The following MYCBP2 variants were observed in gnomAD, a reference collection of about 807,000 sequenced individuals.
MYCBP2 encodes E3 ubiquitin-protein ligase MYCBP2.
A neutral mutation model predicts 525.3 loss-of-function variants in MYCBP2; 120 were observed. The ratio of observed to expected loss-of-function variants is 0.23; its 90% confidence interval spans 0.20 to 0.27. The LOEUF is 0.27. MYCBP2 is among the 10% of genes least tolerant of loss of function. The pLI is 1.00. For missense variants in MYCBP2, 4,149 were observed against 5,657.1 expected, an observed-to-expected ratio of 0.73 and a Z score of 8.55; for synonymous variants, 1,894 against 1,955.8, an observed-to-expected ratio of 0.97 and a Z score of 0.83.
chr13:77,317,951 CATA>C (rs2081158172), intron 1 of MYCBP2, among the ~76,000 whole-genome samples: 1 of 133,192 alleles, frequency 7.5e-6, no homozygotes, highest in Admixed American at 7.3e-5. Flanking sequence ...CATAACATAA[CATA>C]ACATAACATA....
intron 49 of MYCBP2, 199 bp downstream of exon 49, chr13:77,144,246 T>C (rs2055160093): frequency 3.6e-6 from 2 of 551,428 alleles, no homozygotes; most frequent in Admixed American, 3.1e-5. Flanking sequence ...CTACAGTGCC[T>C]GGGCGGACAC....
chr13:77,146,878 A>C (rs530187065), intron 47 of MYCBP2, among the ~76,000 whole-genome samples: 5 of 152,274 alleles, frequency 3.3e-5, no homozygotes, highest in African/African-American at 1.2e-4. Flanking sequence ...CCTACAACTT[A>C]ACAATTCCAC....
At chr13:77,110,945 G>A (rs904786942) in intron 55 of MYCBP2, among the ~76,000 whole-genome samples, 3 of 152,022 alleles carry the variant, frequency 2.0e-5, no homozygotes, top group Non-Finnish European at 4.4e-5. Context: ...AAGACATAAC[G>A]GCTGCTGCTG....
rs1373536847 is a variant in MYCBP2 at position 77,098,541 on chromosome 13, T to A, written c.8613A>T (p.Ser2871=). 1.9e-6 allele frequency: 3 copies of A among 1,613,690 alleles called. No individual in the cohort carries two copies. In the African/African-American group the frequency reaches 4.0e-5, roughly 22 times the overall value. ...TATCTGGATCAAGTGTGTAAGAGTCTGATTTAGAACGTTCCCGAGGAGGAT... is the reference window on the plus strand; with the variant it reads ...TATCTGGATCAAGTGTGTAAGAGTCAGATTTAGAACGTTCCCGAGGAGGAT... ...KLDPPRERSK[S]DSYTLDPDTL... Residue 2871 remains serine (S), a synonymous_variant, in exon 56 of 83, where the codon TCA becomes TCT. Coordinates refer to ENST00000544440, the MANE Select transcript of MYCBP2 (RefSeq NM_015057.5).
intron 48 of MYCBP2, among the ~76,000 whole-genome samples, chr13:77,145,409 A>T (rs1594891602): frequency 2.0e-5 from 3 of 152,144 alleles, no homozygotes; most frequent in Admixed American, 2.0e-4. Context: ...CTACCGTTTA[A>T]TTTAAGGAAT....
chr13:77,082,949 C>CT lies in MYCBP2; in HGVS notation c.11036+82dup, dbSNP rs1314354550. ...GGATTCTATCTTACTATTTAAAGAG[C>CT]TTTTTTTGGAGCATTTCATACTTTG... is the stretch of plus-strand genomic sequence containing the variant. On this transcript the variant is annotated intron_variant, in intron 63 of 82. Coordinates refer to ENST00000544440, the MANE Select transcript of MYCBP2 (RefSeq NM_015057.5). The CT allele has an allele frequency of 6.6e-6, 9 of 1,362,108 alleles. No individual in the cohort carries two copies. The Middle Eastern group carries it at 6.2e-4, about 93-fold the overall frequency. 84.4% of individuals were successfully genotyped at this position (1,362,108 alleles called of 1,614,324 possible). A position where few individuals can be genotyped will look rare whatever the true frequency, so the allele number is the denominator to read the frequency against.
chr13:77,297,375 A>T (rs762449859), intron 1 of MYCBP2, among the ~76,000 whole-genome samples: 1 of 152,236 alleles, frequency 6.6e-6, no homozygotes, highest in African/African-American at 2.4e-5. Flanking sequence ...TCTTGTCCCC[A>T]AGGAGCTCAG....
At chr13:77,130,184 G>T (rs188979880) in intron 52 of MYCBP2, among the ~76,000 whole-genome samples, 33 of 151,420 alleles carry the variant, frequency 2.2e-4, no homozygotes, top group African/African-American at 6.8e-4. Context: ...TATGATAAAC[G>T]GTTATTTTGA....
At position 77,169,677 on chromosome 13, in the gene MYCBP2, C is replaced by T; in HGVS notation, c.5832G>A (p.Leu1944=). 6.2e-7 allele frequency: 1 copy of T among 1,613,998 alleles called. No homozygotes were observed. Among genetic ancestry groups the T allele is most frequent in the Non-Finnish European group, 8.5e-7 (1 of 1,180,006 alleles). The change falls in exon 39 of 83, where the codon CTG becomes CTA. Residue 1944 remains leucine (L), a synonymous_variant. Transcript: ENST00000544440. Reference sequence around the variant, plus strand: ...TAATAAGGGGGAGCAGCATGGAAAACAGACTGGAAGAACTCAGCAGTTCTG... The same window carrying T: ...TAATAAGGGGGAGCAGCATGGAAAATAGACTGGAAGAACTCAGCAGTTCTG... ...DIPELLSSSS[L]FSMLLPLIIA...
chr13:77,117,277 G>A (rs2049941516), intron 55 of MYCBP2, among the ~76,000 whole-genome samples: 1 of 151,822 alleles, frequency 6.6e-6, no homozygotes, highest in African/African-American at 2.4e-5. Flanking sequence ...ATACATGAAC[G>A]AACATGATAA....
chr13:77,225,197 A>T (rs942421290), intron 19 of MYCBP2, among the ~76,000 whole-genome samples: 9 of 152,238 alleles, frequency 5.9e-5, no homozygotes, highest in African/African-American at 1.7e-4. Flanking sequence ...CTTGAATTAT[A>T]AAAGAAGTCC....
At chr13:77,316,777 T>C (rs1204994754) in intron 1 of MYCBP2, among the ~76,000 whole-genome samples, 1 of 144,608 alleles carries the variant, frequency 6.9e-6, no homozygotes, top group Non-Finnish European at 1.6e-5. Flanking sequence ...CATGGGGTGG[T>C]CACTGGGCCT....
At chr13:77,050,913 C>T in intron 82 of MYCBP2, 84 bp downstream of exon 82, 1 of 1,236,914 alleles carries the variant, frequency 8.1e-7, no homozygotes, top group Non-Finnish European at 1.1e-6. Context: ...GTTTCTGTCA[C>T]TTGAAACAGA....
At chr13:77,071,872 A>T (rs978895580) in intron 68 of MYCBP2, among the ~76,000 whole-genome samples, 2 of 152,254 alleles carry the variant, frequency 1.3e-5, no homozygotes, top group African/African-American at 4.8e-5. Flanking sequence ...TATACGAAGT[A>T]TACAATACAG....
intron 18 of MYCBP2, among the ~76,000 whole-genome samples, chr13:77,227,560 T>G (rs986651425): frequency 1.3e-5 from 2 of 151,580 alleles, no homozygotes; most frequent in Admixed American, 1.3e-4. Context: ...ACGCCAGATG[T>G]AAAGAAATTT....
chr13:77,130,853 A>G (rs540987577), intron 52 of MYCBP2, among the ~76,000 whole-genome samples: 1 of 152,284 alleles, frequency 6.6e-6, no homozygotes, highest in South Asian at 2.1e-4. Flanking sequence ...GGCAATTGTT[A>G]AAAGTAATGC....
chr13:77,106,785 T>C (rs1018036944), intron 55 of MYCBP2, among the ~76,000 whole-genome samples: 1 of 152,066 alleles, frequency 6.6e-6, no homozygotes, highest in African/African-American at 2.4e-5. Flanking sequence ...GGGACATGTG[T>C]AGGTTTGTTA....
chr13:77,068,419 G>GTT (rs2040559997), intron 70 of MYCBP2, 146 bp downstream of exon 70: 1 of 851,122 alleles, frequency 1.2e-6, no homozygotes, highest in Non-Finnish European at 1.7e-6. Context: ...AAAAAAGGGA[G>GTT]TAAAATACAG....
chr13:77,135,121 GA>G (rs1363708439), intron 52 of MYCBP2, among the ~76,000 whole-genome samples: 2 of 152,254 alleles, frequency 1.3e-5, no homozygotes, highest in East Asian at 1.9e-4. Context: ...GTTTTAACTA[GA>G]AAAGGTTGAA....
Sources: gnomAD v4.1 joint callset for allele counts (sites outside exome capture counted in the v4.1 genomes callset) on GRCh38, gnomAD v4.1.1 for gene constraint, MANE v1.5 for transcripts, NCBI Gene and HGNC (gene_info 2026-07-23, HGNC 2026-07-21) for gene names.